SPACA1: variants seen among roughly 807,000 people sequenced by gnomAD.
The protein encoded by SPACA1 is sperm acrosome membrane-associated protein 1.
Under a neutral mutation model 32.6 loss-of-function variants are expected in SPACA1, and 17 were observed. That is an observed-to-expected ratio of 0.52 (90% CI 0.36 to 0.78). The LOEUF is 0.78. Among genes scored for constraint, SPACA1 ranks in the 30% least tolerant of loss-of-function variants. SPACA1 has a pLI of 0.01. For synonymous variants in SPACA1, 140 were observed against 138.1 expected (o/e 1.01, Z -0.10); for missense variants, 363 against 373.4 (o/e 0.97, Z 0.23).
chr6:88,048,382 G>T lies in SPACA1; in HGVS notation c.208+269G>T, dbSNP rs187800093. On this transcript the variant is annotated intron_variant, in intron 1 of 6. Coordinates refer to ENST00000237201, the MANE Select transcript of SPACA1 (RefSeq NM_030960.3). ...AAATATTGCTTTGGACAAGGAAAAA[G>T]ATTTTTTTTCAGGGTGGGAGGTAGC... Among the ~76,000 whole-genome samples, 287 of 152,216 alleles carry T rather than the reference G, an allele frequency of 1.9e-3. 1 individual carries two copies. The highest frequency in any genetic ancestry group is 3.4e-3 in the Non-Finnish European group (231 of 67,982).
At chr6:88,052,769 G>A (rs927204391) in intron 1 of SPACA1, among the ~76,000 whole-genome samples, 4 of 152,102 alleles carry the variant, frequency 2.6e-5, no homozygotes, top group African/African-American at 7.2e-5. Context: ...CCTGGGAGGC[G>A]GAGGTTGCAG....
chr6:88,056,187 C>T (rs1775804167), intron 2 of SPACA1, among the ~76,000 whole-genome samples: 1 of 151,988 alleles, frequency 6.6e-6, no homozygotes, highest in African/African-American at 2.4e-5. Flanking sequence ...AACCCTGTCT[C>T]TACCAAAAAT....
chr6:88,058,685 A>T (rs758457501), intron 3 of SPACA1, 31 bp from the exon 4 acceptor site: 2 of 1,468,072 alleles, frequency 1.4e-6, no homozygotes, highest in African/African-American at 2.8e-5. Context: ...TATAATGCCC[A>T]ATGGTATTTA....
chr6:88,046,970 T>C (rs760447687), upstream of SPACA1, among the ~76,000 whole-genome samples: 1 of 152,186 alleles, frequency 6.6e-6, no homozygotes, highest in African/African-American at 2.4e-5. Flanking sequence ...TCACTTGTCA[T>C]AGGAATTTAA....
At chr6:88,050,032 C>G (rs1294919519) in intron 1 of SPACA1, among the ~76,000 whole-genome samples, 1 of 152,168 alleles carries the variant, frequency 6.6e-6, no homozygotes, top group Non-Finnish European at 1.5e-5. Flanking sequence ...TTTATAAACA[C>G]CAATTAGAAT....
At chr6:88,060,795 G>A (rs900599762) in intron 5 of SPACA1, among the ~76,000 whole-genome samples, 5 of 152,256 alleles carry the variant, frequency 3.3e-5, no homozygotes, top group African/African-American at 4.8e-5. Flanking sequence ...CTACTATCTC[G>A]TCCCTGTTAG....
At chr6:88,052,048 A>G (rs1218202593) in intron 1 of SPACA1, among the ~76,000 whole-genome samples, 4 of 152,246 alleles carry the variant, frequency 2.6e-5, no homozygotes, top group African/African-American at 7.2e-5. Flanking sequence ...TCATAGGTTT[A>G]TAACAAGAAA....
chr6:88,061,422 A>G (rs1054505597), intron 5 of SPACA1, among the ~76,000 whole-genome samples: 1 of 114,764 alleles, frequency 8.7e-6, no homozygotes, highest in African/African-American at 3.5e-5. Context: ...ATATTTGGGC[A>G]TGCTTGTGCG....
chr6:88,057,967 A>T (rs749297724), intron 3 of SPACA1, among the ~76,000 whole-genome samples: 4 of 152,250 alleles, frequency 2.6e-5, no homozygotes, highest in Non-Finnish European at 4.4e-5. Context: ...TACTGTATAT[A>T]GGGTCTATAG....
At chr6:88,061,172 G>C (rs557976907) in intron 5 of SPACA1, among the ~76,000 whole-genome samples, 3 of 152,094 alleles carry the variant, frequency 2.0e-5, no homozygotes, top group African/African-American at 2.4e-5. Flanking sequence ...GATATTTTTA[G>C]GGTAAATATG....
At chr6:88,047,357 C>T (rs530170636), upstream of SPACA1, among the ~76,000 whole-genome samples, 1 of 152,022 alleles carries the variant, frequency 6.6e-6, no homozygotes, top group Non-Finnish European at 1.5e-5. Context: ...TATTCTGATC[C>T]CAAAGAAGAA....
chr6:88,056,018 A>G (rs1241656546), intron 2 of SPACA1, among the ~76,000 whole-genome samples: 1 of 152,002 alleles, frequency 6.6e-6, no homozygotes, highest in Non-Finnish European at 1.5e-5. Context: ...TAAAAATATT[A>G]ACAATAGCAT....
Position 88,066,445 on chromosome 6 carries a change from C to G in SPACA1, c.*110C>G. 9.4e-7 allele frequency: 1 copy of G among 1,068,084 alleles called. No individual in the cohort carries two copies. Among genetic ancestry groups the G allele is most frequent in the Non-Finnish European group, 1.3e-6 (1 of 781,304 alleles). The allele number at this position is 1,068,084 out of a possible 1,614,324, so 66.2% of individuals were successfully genotyped here. Reference sequence around the variant, plus strand: ...TTAATAATGTTGCGATGGATTGCCACAGTGTGAAGGAAATGCAGTGTGGGG... The same window carrying G: ...TTAATAATGTTGCGATGGATTGCCAGAGTGTGAAGGAAATGCAGTGTGGGG... On this transcript the variant is annotated 3_prime_UTR_variant, in exon 7 of 7. Transcript: ENST00000237201.
In SPACA1 at chr6:88,057,723, A is replaced by G. The variant is rs772140087; in HGVS notation, c.367+10A>G. 6.2e-7 allele frequency: 1 copy of G among 1,609,278 alleles called. No homozygotes were observed. Among genetic ancestry groups the G allele is most frequent in the Non-Finnish European group, 8.5e-7 (1 of 1,175,620 alleles). On this transcript the variant is annotated intron_variant, in intron 3 of 6. Transcript: ENST00000237201. ...CCAACAGATTGTGGCTGTGAGTTGAATTATGTATTGGAGGGAGACTGTGGG... is the reference window on the plus strand; with the variant it reads ...CCAACAGATTGTGGCTGTGAGTTGAGTTATGTATTGGAGGGAGACTGTGGG...
upstream of SPACA1, chr6:88,047,766 C>A: frequency 1.2e-6 from 1 of 840,432 alleles, no homozygotes; most frequent in Non-Finnish European, 1.8e-6. Flanking sequence ...AGCGCCCCGG[C>A]AACCATTGAG....
upstream of SPACA1, chr6:88,047,714 C>G (rs1314085370): frequency 1.6e-6 from 1 of 607,160 alleles, no homozygotes; most frequent in African/African-American, 1.9e-5. Context: ...GCACGCCTCG[C>G]AGCCTAGCTC....
chr6:88,053,927 C>T lies in SPACA1; in HGVS notation c.209-19C>T, dbSNP rs1249642133. ...GTTTTCATATAATTAAATAATGTAT[C>T]TTTACCCTTTATGTTTAGTTTCAAA... On this transcript the variant is annotated intron_variant, in intron 1 of 6. Transcript: ENST00000237201. The T allele has an allele frequency of 1.2e-6, 2 of 1,608,034 alleles. No homozygotes were observed. Among genetic ancestry groups the T allele is most frequent in the African/African-American group, 2.7e-5 (2 of 74,738 alleles).
chr6:88,049,720 T>A (rs373348105), intron 1 of SPACA1, among the ~76,000 whole-genome samples: 2 of 152,136 alleles, frequency 1.3e-5, no homozygotes, highest in African/African-American at 4.8e-5. Context: ...ATGGAAAAAT[T>A]CAAATTTTTA....
At chr6:88,064,739 C>T (rs1467746820) in intron 6 of SPACA1, among the ~76,000 whole-genome samples, 2 of 148,698 alleles carry the variant, frequency 1.3e-5, no homozygotes, top group Non-Finnish European at 3.0e-5. Flanking sequence ...TATATATGTA[C>T]ATATATATGT....
Sources: gnomAD v4.1 joint callset for allele counts (sites outside exome capture counted in the v4.1 genomes callset) on GRCh38, gnomAD v4.1.1 for gene constraint, MANE v1.5 for transcripts, NCBI Gene and HGNC (gene_info 2026-07-23, HGNC 2026-07-21) for gene names.